Variants in BBS7 observed in about 807,000 individuals in gnomAD.
The protein encoded by BBS7 is BBSome complex member BBS7.
Under a neutral mutation model 90.3 loss-of-function variants are expected in BBS7, and 50 were observed. The observed-to-expected ratio is 0.55, with a 90% CI of 0.44 to 0.70. BBS7 has a LOEUF of 0.70. Among genes scored for constraint, BBS7 ranks in the 30% least tolerant of loss-of-function variants. The probability of loss-of-function intolerance (pLI) is 0.00; values close to 1 mark genes in which losing one functional copy is unlikely to be tolerated. For synonymous variants in BBS7, 235 were observed against 287.4 expected, an observed-to-expected ratio of 0.82 and a Z score of 1.85; for missense variants, 729 against 838.9, an observed-to-expected ratio of 0.87 and a Z score of 1.62.
intron 3 of BBS7, 134 bp downstream of exon 3, chr4:121,863,083 T>A: frequency 1.2e-6 from 1 of 810,182 alleles, no homozygotes; most frequent in Non-Finnish European, 2.1e-6. Context: ...CAGACTCATA[T>A]CTCACATAAC....
intron 5 of BBS7, among the ~76,000 whole-genome samples, chr4:121,856,940 T>A (rs916602725): frequency 1.8e-4 from 27 of 151,952 alleles, no homozygotes; most frequent in Non-Finnish European, 3.1e-4. Flanking sequence ...GGCTAAGTTT[T>A]GTATTTTTAG....
At chr4:121,833,534 G>A (rs970893084) in intron 14 of BBS7, 139 bp from the exon 15 acceptor site, 45 of 808,348 alleles carry the variant, frequency 5.6e-5, no homozygotes, top group African/African-American at 1.9e-4. Context: ...AATCTTATAC[G>A]TCAAATAAAT....
intron 5 of BBS7, among the ~76,000 whole-genome samples, chr4:121,856,625 T>C (rs1277306217): frequency 6.6e-6 from 1 of 151,914 alleles, no homozygotes; most frequent in East Asian, 1.9e-4. Context: ...AGGAGGAGAA[T>C]TGCTTGAACC....
At position 121,867,972 on chromosome 4, in the gene BBS7, A is replaced by G; in HGVS notation, c.102+9T>C. ...GGGAATAGTGGAGAAATCAGAATCT[A>G]TACAGTACCTTTTGTGTAGCTCTGT... On this transcript the variant is annotated intron_variant, in intron 2 of 18. Coordinates refer to ENST00000264499, the MANE Select transcript of BBS7 (RefSeq NM_176824.3). The G allele has an allele frequency of 1.2e-6, 2 of 1,608,720 alleles. No homozygotes were observed. The highest frequency in any genetic ancestry group is 1.3e-5 in the African/African-American group (1 of 74,912).
At chr4:121,839,720 A>T (rs1725635178) in intron 12 of BBS7, 24 bp from the exon 13 acceptor site, 4 of 1,593,868 alleles carry the variant, frequency 2.5e-6, no homozygotes, top group Non-Finnish European at 2.6e-6. Context: ...AAAGTGGAGG[A>T]AAAGAATGAA....
At chr4:121,851,467 G>C (rs967937361) in intron 8 of BBS7, among the ~76,000 whole-genome samples, 1 of 150,486 alleles carries the variant, frequency 6.6e-6, no homozygotes, top group Admixed American at 6.6e-5. Flanking sequence ...AGAAAGGGAA[G>C]AAAGGGAGAA....
chr4:121,857,632 A>T (rs549538978), intron 5 of BBS7, among the ~76,000 whole-genome samples: 2 of 152,274 alleles, frequency 1.3e-5, no homozygotes, highest in East Asian at 3.9e-4. Context: ...TAATTATTTT[A>T]AAAATAATAA....
At chr4:121,855,042 G>A (rs1014830085) in intron 6 of BBS7, among the ~76,000 whole-genome samples, 9 of 152,104 alleles carry the variant, frequency 5.9e-5, no homozygotes, top group East Asian at 1.9e-4. Context: ...GTTGGGTGCC[G>A]TGGCTCATGC....
chr4:121,868,832 G>GGTGTATA (rs1387855007), intron 1 of BBS7, among the ~76,000 whole-genome samples: 3 of 151,958 alleles, frequency 2.0e-5, no homozygotes, highest in African/African-American at 7.3e-5. Context: ...TGTCACTGCT[G>GGTGTATA]GTGTATAGTT....
intron 6 of BBS7, 150 bp from the exon 7 acceptor site, chr4:121,854,970 ATT>A (rs1426900268): frequency 2.7e-6 from 2 of 741,820 alleles, no homozygotes; most frequent in Non-Finnish European, 4.3e-6. Flanking sequence ...TATTCACACA[ATT>A]TTATAGCTAT....
rs754579374 is a variant in BBS7, at chr4:121,861,658, C to T, written c.187G>A (p.Gly63Arg). The part of the protein sequence containing the change: ...EAAAVFKTLP[G>R]PKIARLELGG... The stretch of plus-strand genomic sequence containing the variant: ...AGTTCCAGCCTTGCAATCTTCGGCC[C>T]GGGTAAAGTCTTGAACACTGCCTGA... Residue 63 changes from glycine (G) to arginine (R), a missense_variant, in exon 4 of 19, where the codon GGG becomes AGG. By Grantham distance (125) the Gly-to-Arg change is moderately radical (BLOSUM62 -2). Transcript: ENST00000264499. 107 of 1,612,864 alleles carry T rather than the reference C, an allele frequency of 6.6e-5. No homozygotes were observed. Among genetic ancestry groups the T allele is most frequent in the Non-Finnish European group, 8.7e-5 (103 of 1,179,556 alleles).
chr4:121,869,218 C>G (rs537663691), intron 1 of BBS7, among the ~76,000 whole-genome samples: 1 of 152,256 alleles, frequency 6.6e-6, no homozygotes, highest in South Asian at 2.1e-4. Flanking sequence ...AGAAAATTGA[C>G]TGGGCAAACA....
chr4:121,859,806 AGAAAT>A (rs1200361163), intron 4 of BBS7, among the ~76,000 whole-genome samples: 2 of 152,134 alleles, frequency 1.3e-5, no homozygotes, highest in African/African-American at 2.4e-5. Flanking sequence ...TCTTGAAAAA[AGAAAT>A]GAAAACAAGT....
intron 1 of BBS7, among the ~76,000 whole-genome samples, chr4:121,868,684 C>CGCA (rs1727416127): frequency 2.0e-5 from 1 of 49,684 alleles, no homozygotes; most frequent in East Asian, 6.6e-4. Flanking sequence ...GACCCTGTTT[C>CGCA]AAAAAAAAAA....
At position 121,865,519 on chromosome 4, in the gene BBS7, G is replaced by A. The variant is rs1394325486; in HGVS notation, c.103-2240C>T. Among the ~76,000 whole-genome samples the A allele has an allele frequency of 5.3e-5, 8 of 152,302 alleles. 1 individual carries two copies. In the East Asian group the frequency reaches 9.6e-4, roughly 18 times the overall value. On this transcript the variant is annotated intron_variant, in intron 2 of 18. Coordinates refer to ENST00000264499, the MANE Select transcript of BBS7 (RefSeq NM_176824.3). ...CTCCCAAAGTGCTGGGATTACAGGCGTGAGTCACCATGCCTGGCCAGGATT... is the reference window on the plus strand; with the variant it reads ...CTCCCAAAGTGCTGGGATTACAGGCATGAGTCACCATGCCTGGCCAGGATT...
chr4:121,847,497 G>A lies in BBS7; in HGVS notation c.944C>T (p.Thr315Ile), dbSNP rs1488474028. 6 of 1,610,970 alleles carry A rather than the reference G, an allele frequency of 3.7e-6. No individual in the cohort carries two copies. Among genetic ancestry groups the A allele is most frequent in the East Asian group, 4.5e-5 (2 of 44,822 alleles). The change falls in exon 10 of 19, where the codon ACA (threonine) becomes ATA (isoleucine). Residue 315 changes from threonine (T) to isoleucine (I), a missense_variant. Transcript: ENST00000264499. ...IVVSTYSGWV[T>I]GLTTEPIHKE... is the part of the protein sequence containing the mutation. ...ATGAATGGGCTCTGTTGTCAGACCT[G>A]TAACCCAGCCTGTAGAGATGAATTA... is the stretch of plus-strand genomic sequence containing the variant.
At position 121,868,065 on chromosome 4, in the gene BBS7, T is replaced by G. The variant is rs777847473; in HGVS notation, c.37-19A>C. ...CTCCCACCTAAAGAAAAACACCAGA[T>G]GCCTAGTGAATTTAATTTGAAGTTA... On this transcript the variant is annotated intron_variant, in intron 1 of 18. Coordinates refer to ENST00000264499, the MANE Select transcript of BBS7 (RefSeq NM_176824.3). 1.3e-6 allele frequency: 2 copies of G among 1,599,818 alleles called. No individual in the cohort carries two copies. Among genetic ancestry groups the G allele is most frequent in the South Asian group, 1.1e-5 (1 of 90,776 alleles).
rs1432722821 is a variant in BBS7 at position 121,843,829 on chromosome 4, A to G, written c.1305+98T>C. The G allele has an allele frequency of 1.6e-5, 13 of 834,800 alleles. No homozygotes were observed. In the East Asian group the frequency reaches 3.5e-4, roughly 22 times the overall value. 51.7% of individuals were successfully genotyped at this position (834,800 alleles called of 1,614,324 possible). ...GAAAGGTTACATAAGAAATAATTGA[A>G]AAAGAAACATCAAAACCTAGCAGCA... On this transcript the variant is annotated intron_variant, in intron 12 of 18. Transcript: ENST00000264499.
In BBS7 at chr4:121,828,278, A is replaced by G. The variant is rs1209572955; in HGVS notation, c.1891-9T>C. 6.2e-7 allele frequency: 1 copy of G among 1,611,170 alleles called. No individual in the cohort carries two copies. The highest frequency in any genetic ancestry group is 1.1e-5 in the South Asian group (1 of 90,982). On this transcript the variant is annotated splice_polypyrimidine_tract_variant and intron_variant, in intron 17 of 18. Transcript: ENST00000264499. ...TCATGAATCTGTAATTCCTATTTAAAATGAAAAACAGAAGCACCTTAATAT... is the reference window on the plus strand; with the variant it reads ...TCATGAATCTGTAATTCCTATTTAAGATGAAAAACAGAAGCACCTTAATAT...
Sources: gnomAD v4.1 joint callset for allele counts (sites outside exome capture counted in the v4.1 genomes callset) on GRCh38, gnomAD v4.1.1 for gene constraint, MANE v1.5 for transcripts, NCBI Gene and HGNC (gene_info 2026-07-23, HGNC 2026-07-21) for gene names.